The following MACROD2 variants were observed in gnomAD, a reference collection of about 807,000 sequenced individuals.
MACROD2 encodes ADP-ribose glycohydrolase MACROD2.
In MACROD2, 36 loss-of-function variants were observed where a neutral mutation model predicts 70.4. That is an observed-to-expected ratio of 0.51 (90% confidence interval 0.39 to 0.68). The LOEUF is 0.68. Among genes scored for constraint, MACROD2 ranks in the 30% least tolerant of loss-of-function variants. The pLI is 0.00. For missense variants in MACROD2, 496 were observed against 538.4 expected (o/e 0.92, Z 0.78); for synonymous variants, 172 against 178.8 (o/e 0.96, Z 0.30).
intron 8 of MACROD2, among the ~76,000 whole-genome samples, chr20:15,643,240 G>A (rs1285934864): frequency 6.6e-6 from 1 of 152,118 alleles, no homozygotes; most frequent in Non-Finnish European, 1.5e-5. Context: ...TGTTCCCCAT[G>A]CTGTAGCCTG....
At chr20:14,247,244 A>G (rs926005699) in intron 3 of MACROD2, among the ~76,000 whole-genome samples, 1 of 152,222 alleles carries the variant, frequency 6.6e-6, no homozygotes, top group African/African-American at 2.4e-5. Flanking sequence ...GACAGATCCA[A>G]AACTTGGACC....
chr20:15,042,423 C>T (rs2075363396), intron 5 of MACROD2, among the ~76,000 whole-genome samples: 1 of 152,152 alleles, frequency 6.6e-6, no homozygotes. Flanking sequence ...CTCACCTGGC[C>T]ACCTGTAGGA....
chr20:15,277,585 G>A (rs116777100), intron 6 of MACROD2, among the ~76,000 whole-genome samples: 337 of 152,316 alleles, frequency 2.2e-3, no homozygotes, highest in African/African-American at 7.6e-3. Flanking sequence ...GCTGGGGCCT[G>A]AGATCCTGCA....
chr20:15,879,857 C>A (rs1336739233), intron 9 of MACROD2, among the ~76,000 whole-genome samples: 1 of 152,050 alleles, frequency 6.6e-6, no homozygotes, highest in African/African-American at 2.4e-5. Context: ...ACCAATGGAA[C>A]CAACCGTGTA....
intron 5 of MACROD2, among the ~76,000 whole-genome samples, chr20:15,065,451 C>T (rs891302140): frequency 3.9e-5 from 6 of 151,906 alleles, no homozygotes; most frequent in Admixed American, 2.0e-4. Flanking sequence ...GTCAGGAGAT[C>T]GAGACCATCC....
intron 4 of MACROD2, among the ~76,000 whole-genome samples, chr20:14,608,810 G>A (rs6135202): frequency 2.0e-5 from 3 of 152,160 alleles, no homozygotes; most frequent in Admixed American, 6.6e-5. Context: ...AGGATAGGTA[G>A]GTACCGTTTT....
At position 15,127,118 on chromosome 20, in the gene MACROD2, A is replaced by T. The variant is rs985357879; in HGVS notation, c.419-102822A>T. Reference sequence around the variant, plus strand: ...TTCCAAAGGGAATGCTTTATGTATTACATGGAAAACATCTTGGTAAAGCAG... The same window carrying T: ...TTCCAAAGGGAATGCTTTATGTATTTCATGGAAAACATCTTGGTAAAGCAG... On this transcript the variant is annotated intron_variant, in intron 5 of 17. Coordinates refer to ENST00000684519, the MANE Select transcript of MACROD2 (RefSeq NM_001351661.2). Among the ~76,000 whole-genome samples the T allele has an allele frequency of 3.3e-5, 5 of 152,132 alleles. No individual in the cohort carries two copies. In the East Asian group the frequency reaches 9.6e-4, roughly 29 times the overall value.
intron 6 of MACROD2, among the ~76,000 whole-genome samples, chr20:15,427,362 C>T (rs1600396653): frequency 1.3e-5 from 2 of 152,164 alleles, no homozygotes; most frequent in Non-Finnish European, 2.9e-5. Flanking sequence ...GCAAATGAAA[C>T]TTGTCATTAA....
At chr20:15,057,672 G>GTT (rs2075497406) in intron 5 of MACROD2, among the ~76,000 whole-genome samples, 1 of 152,172 alleles carries the variant, frequency 6.6e-6, no homozygotes, top group African/African-American at 2.4e-5. Flanking sequence ...ACATCCCACA[G>GTT]TTGAGACAGG....
chr20:14,110,512 T>G (rs1367935187), intron 3 of MACROD2, among the ~76,000 whole-genome samples: 1 of 151,854 alleles, frequency 6.6e-6, no homozygotes, highest in Non-Finnish European at 1.5e-5. Flanking sequence ...CAAATAGAAC[T>G]AATAAACAAA....
chr20:14,290,022 G>A (rs777892176), intron 3 of MACROD2, among the ~76,000 whole-genome samples: 3 of 152,110 alleles, frequency 2.0e-5, no homozygotes, highest in Admixed American at 1.3e-4. Flanking sequence ...GGCATGAAAC[G>A]TTTAAATAAG....
chr20:15,201,307 C>T (rs1247333665), intron 5 of MACROD2, among the ~76,000 whole-genome samples: 1 of 151,962 alleles, frequency 6.6e-6, no homozygotes, highest in African/African-American at 2.4e-5. Flanking sequence ...TCTAACATAC[C>T]AAGCAGATGA....
At chr20:14,089,545 T>C (rs1021005739) in intron 3 of MACROD2, among the ~76,000 whole-genome samples, 2 of 152,216 alleles carry the variant, frequency 1.3e-5, no homozygotes, top group Non-Finnish European at 2.9e-5. Flanking sequence ...TCTAATAAAG[T>C]GTTTTTTGAA....
intron 3 of MACROD2, among the ~76,000 whole-genome samples, chr20:14,404,529 G>A (rs952089280): frequency 1.3e-5 from 2 of 151,884 alleles, no homozygotes; most frequent in African/African-American, 2.4e-5. Flanking sequence ...CCCAGGAGGC[G>A]GAGGTTGCAG....
chr20:15,851,975 C>G (rs548338270), intron 8 of MACROD2, among the ~76,000 whole-genome samples: 13 of 152,302 alleles, frequency 8.5e-5, no homozygotes, highest in Admixed American at 7.8e-4. Context: ...TTATCTTTGA[C>G]TGGCATTTCC....
At chr20:14,044,848 G>A (rs547681601) in intron 2 of MACROD2, among the ~76,000 whole-genome samples, 1 of 152,356 alleles carries the variant, frequency 6.6e-6, no homozygotes, top group Non-Finnish European at 1.5e-5. Flanking sequence ...GCCCTTGGGC[G>A]GTCGATGGGA....
chr20:14,414,169 A>T (rs2083778908), intron 3 of MACROD2, among the ~76,000 whole-genome samples: 1 of 152,104 alleles, frequency 6.6e-6, no homozygotes, highest in African/African-American at 2.4e-5. Context: ...TGCCTAATAG[A>T]CATCTCGGCT....
At chr20:15,245,213 T>A (rs1030543261) in intron 6 of MACROD2, among the ~76,000 whole-genome samples, 5 of 152,232 alleles carry the variant, frequency 3.3e-5, no homozygotes, top group Non-Finnish European at 7.3e-5. Context: ...CAATCTCAGC[T>A]GTCTTCTTTT....
chr20:14,206,237 G>T (rs1442513116), intron 3 of MACROD2, among the ~76,000 whole-genome samples: 2 of 152,220 alleles, frequency 1.3e-5, no homozygotes, highest in Non-Finnish European at 2.9e-5. Flanking sequence ...CCGCAGTTTA[G>T]AAATTCTGAT....
Sources: gnomAD v4.1 joint callset for allele counts (sites outside exome capture counted in the v4.1 genomes callset) on GRCh38, gnomAD v4.1.1 for gene constraint, MANE v1.5 for transcripts, NCBI Gene and HGNC (gene_info 2026-07-23, HGNC 2026-07-21) for gene names.